Variants in PLD2 observed in about 807,000 individuals in gnomAD.
PLD2 encodes the protein choline phosphatase 2.
A neutral mutation model predicts 119.8 loss-of-function variants in PLD2; 101 were observed. The observed-to-expected ratio is 0.84, with a 90% CI of 0.72 to 0.99. The LOEUF is 0.99. Ranked by LOEUF, PLD2 falls within the 50% of genes least tolerant of loss-of-function variation. PLD2 has a pLI of 0.00. For synonymous variants in PLD2, 494 were observed against 482.8 expected (o/e 1.02, Z -0.30); for missense variants, 1,164 against 1,226.8 (o/e 0.95, Z 0.76).
In PLD2 at chr17:4,815,891, G is replaced by A. The variant is rs148063814; in HGVS notation, c.1412G>A (p.Arg471Gln). ...AYGRWDDLHY[R>Q]LTDLGDSSES... ...GGCCGCTGGGATGACCTGCACTACC[G>A]ACTGACTGACCTTGGAGACTCCTCT... Residue 471 changes from arginine (R) to glutamine (Q), a missense_variant, in exon 14 of 25, where the codon CGA becomes CAA. Coordinates refer to ENST00000263088, the MANE Select transcript of PLD2 (RefSeq NM_002663.5). 73 of 1,614,030 alleles carry A rather than the reference G, an allele frequency of 4.5e-5. No homozygotes were observed. The Admixed American group carries it at 7.2e-4, about 16-fold the overall frequency.
In PLD2 at chr17:4,818,148, C is replaced by T. The variant is rs113450305; in HGVS notation, c.1920+42C>T. The T allele has an allele frequency of 8.5e-4, 1,275 of 1,495,966 alleles. 9 individuals carry two copies. In the African/African-American group the frequency reaches 0.015, roughly 18 times the overall value. The allele number at this position is 1,495,966 out of a possible 1,614,324, so 92.7% of individuals were successfully genotyped here. ...GTGGGGGAGAGCATGGAAGGGGTGT[C>T]CCAGGAGAGAGACCTGGGGAATGAG... is the stretch of plus-strand genomic sequence containing the variant. On this transcript the variant is annotated intron_variant, in intron 18 of 24. Coordinates refer to ENST00000263088, the MANE Select transcript of PLD2 (RefSeq NM_002663.5).
At chr17:4,821,983 G>A in intron 24 of PLD2, 76 bp downstream of exon 24, 1 of 901,162 alleles carries the variant, frequency 1.1e-6, no homozygotes, top group Non-Finnish European at 1.8e-6. Flanking sequence ...AGGATGGAGA[G>A]AAGCGCCACC....
chr17:4,809,611 C>G, intron 7 of PLD2, 60 bp downstream of exon 7: 1 of 1,608,586 alleles, frequency 6.2e-7, no homozygotes, highest in Non-Finnish European at 8.5e-7. Context: ...TTTCTCCCTG[C>G]CTGAGATTGG....
At chr17:4,820,635 G>A (rs1907575157) in intron 23 of PLD2, among the ~76,000 whole-genome samples, 1 of 150,184 alleles carries the variant, frequency 6.7e-6, no homozygotes, top group Non-Finnish European at 1.5e-5. Flanking sequence ...GAGTGCAGTG[G>A]CGCGATCTCG....
chr17:4,815,973 A>G (rs748910813), intron 14 of PLD2, 39 bp downstream of exon 14: 2 of 1,425,444 alleles, frequency 1.4e-6, no homozygotes, highest in Non-Finnish European at 2.0e-6. Flanking sequence ...CCCCAAACTC[A>G]GATAAGCTCA....
rs1906066246 is a variant in PLD2, at chr17:4,808,159, G to A, written c.240+45G>A. ...GGAGGGGGAAAGGGAGGGCGGCCCG[G>A]AATGGATCCAAGGTGGCTGGGCTGG... is the stretch of plus-strand genomic sequence containing the variant. On this transcript the variant is annotated intron_variant, in intron 3 of 24. Transcript: ENST00000263088. This position sits in a 1 kb window ranked among gnomAD's most constrained non-coding sequence, Gnocchi z 4.1. 6.3e-7 allele frequency: 1 copy of A among 1,595,328 alleles called. No homozygotes were observed. The highest frequency in any genetic ancestry group is 8.6e-7 in the Non-Finnish European group (1 of 1,166,724).
Position 4,815,101 on chromosome 17 carries a change from G to T in PLD2, c.1174-375G>T, listed in dbSNP as rs572733172. On this transcript the variant is annotated intron_variant, in intron 12 of 24. Coordinates refer to ENST00000263088, the MANE Select transcript of PLD2 (RefSeq NM_002663.5). ...GAAGGATGCATGGATGATGCAGGGT[G>T]GCTGGGCAGGTGGATGGATAGAGGA... Among the ~76,000 whole-genome samples, 23 of 152,240 alleles carry T rather than the reference G, an allele frequency of 1.5e-4. 1 individual carries two copies. The highest frequency in any genetic ancestry group is 1.2e-3 in the Admixed American group (18 of 15,274).
chr17:4,809,227 T>C, intron 5 of PLD2, 22 bp downstream of exon 5: 1 of 1,611,752 alleles, frequency 6.2e-7, no homozygotes, highest in African/African-American at 1.3e-5. Context: ...TGCCAGGTCC[T>C]CCGGGAAGGC....
intron 17 of PLD2, 79 bp from the exon 18 acceptor site, chr17:4,817,923 A>C: frequency 1.1e-6 from 1 of 952,116 alleles, no homozygotes; most frequent in Non-Finnish European, 1.6e-6. Context: ...ATGCCACTGC[A>C]CTCCAGCCTA....
Position 4,817,255 on chromosome 17 carries a change from T to C in PLD2, c.1811T>C (p.Val604Ala). The C allele has an allele frequency of 6.3e-7, 1 of 1,598,314 alleles. No homozygotes were observed. Residue 604 changes from valine (V) to alanine (A), a missense_variant, in exon 17 of 25, where the codon GTA becomes GCA. Val to Ala is a moderately conservative substitution (Grantham distance 64). Coordinates refer to ENST00000263088, the MANE Select transcript of PLD2 (RefSeq NM_002663.5). ...CTTCCAGGAGGGCAGTGCACCACCG[T>C]ACAGGTGAGGCCCCCCACTTCAGCC... is the stretch of plus-strand genomic sequence containing the variant. ...FTLPGGQCTTVQVLRSVDRWS... is the reference protein window; with the variant it reads ...FTLPGGQCTTAQVLRSVDRWS...
chr17:4,818,976 A>G, intron 21 of PLD2, 108 bp from the exon 22 acceptor site: 1 of 1,529,500 alleles, frequency 6.5e-7, no homozygotes, highest in East Asian at 2.3e-5. Context: ...AGGGAGAAGG[A>G]GAGAGACCAG....
Position 4,809,678 on chromosome 17 carries a change from G to A in PLD2, c.615-13G>A. ...GAGTCCTCATCCCGCCTCTCTTCCT[G>A]ATTGTCCCACAGGGAGGGGATGATC... On this transcript the variant is annotated splice_polypyrimidine_tract_variant and intron_variant, in intron 7 of 24. Transcript: ENST00000263088. 1 of 1,614,002 alleles carries A rather than the reference G, an allele frequency of 6.2e-7. No homozygotes were observed. Among genetic ancestry groups the A allele is most frequent in the South Asian group, 1.1e-5 (1 of 91,076 alleles).
chr17:4,821,710 G>A (rs1399687178), intron 23 of PLD2, 83 bp from the exon 24 acceptor site: 2 of 978,820 alleles, frequency 2.0e-6, no homozygotes, highest in Non-Finnish European at 3.3e-6. Flanking sequence ...TGAATTACCT[G>A]AGTAGGGACA....
rs964994443 is a variant in PLD2, at chr17:4,819,011, A to G, written c.2174-73A>G. On this transcript the variant is annotated intron_variant, in intron 21 of 24. Coordinates refer to ENST00000263088, the MANE Select transcript of PLD2 (RefSeq NM_002663.5). This position sits in a 1 kb window ranked among gnomAD's most constrained non-coding sequence, Gnocchi z 4.2. ...GACTCTATGTAGGAAGAGTTTCTGG[A>G]GTGAGAGGAGGTGGGACAGGGCCCT... 2.5e-6 allele frequency: 4 copies of G among 1,588,534 alleles called. No individual in the cohort carries two copies. The highest frequency in any genetic ancestry group is 4.5e-5 in the East Asian group (2 of 44,718).
intron 24 of PLD2, among the ~76,000 whole-genome samples, 183 bp downstream of exon 24, chr17:4,822,090 C>T (rs1273005066): frequency 1.3e-5 from 2 of 152,106 alleles, no homozygotes; most frequent in African/African-American, 4.8e-5. Context: ...TGCCTGTAAT[C>T]CCAGCACTTT....
chr17:4,809,654 A>G, intron 7 of PLD2, 37 bp from the exon 8 acceptor site: 1 of 1,611,930 alleles, frequency 6.2e-7, no homozygotes, highest in Non-Finnish European at 8.5e-7. Context: ...GGGGGTCTGG[A>G]GTCCTCATCC....
chr17:4,809,058 G>C (rs1005373763), intron 4 of PLD2, 42 bp from the exon 5 acceptor site: 1 of 1,475,992 alleles, frequency 6.8e-7, no homozygotes, highest in Non-Finnish European at 9.5e-7. Context: ...AGAGCACCCA[G>C]CCTCCCAGCT....
In PLD2 at chr17:4,809,473, G is replaced by A. The variant is rs958821484; in HGVS notation, c.556-20G>A. The A allele has an allele frequency of 6.2e-7, 1 of 1,608,132 alleles. No individual in the cohort carries two copies. Among genetic ancestry groups the A allele is most frequent in the African/African-American group, 1.3e-5 (1 of 74,616 alleles). ...GCTGAAAGCCAGGTGTCTCCTCCGG[G>A]CTTTTGTTTTCCTCTGCAGACAGAG... On this transcript the variant is annotated intron_variant, in intron 6 of 24. Transcript: ENST00000263088.
chr17:4,815,853 G>A lies in PLD2; in HGVS notation c.1374G>A (p.Leu458=). The change falls in exon 14 of 25, where the codon CTG becomes CTA. Residue 458 remains leucine (L), a synonymous_variant. Transcript: ENST00000263088. ...AAGTGGTAGCATTCCTGGGGGGACT[G>A]GACCTTGCCTATGGCCGCTGGGATG... ...VDQVVAFLGG[L]DLAYGRWDDL... 1.2e-6 allele frequency: 2 copies of A among 1,614,134 alleles called. No individual in the cohort carries two copies. The highest frequency in any genetic ancestry group is 1.1e-5 in the South Asian group (1 of 91,082).
Sources: gnomAD v4.1 joint callset for allele counts (sites outside exome capture counted in the v4.1 genomes callset) on GRCh38, gnomAD v4.1.1 for gene constraint, Gnocchi (gnomAD v3.1) non-coding constraint, MANE v1.5 for transcripts, NCBI Gene and HGNC (gene_info 2026-07-23, HGNC 2026-07-21) for gene names.